ADAMTS18: variants seen among roughly 807,000 people sequenced by gnomAD.
The protein encoded by ADAMTS18 is A disintegrin and metalloproteinase with thrombospondin motifs 18.
ADAMTS18 carries 157 observed loss-of-function variants against 165.9 expected under a neutral mutation model. That is an observed-to-expected ratio of 0.95 (90% CI 0.83 to 1.08). The LOEUF is 1.08. Among genes scored for constraint, ADAMTS18 ranks in the 50% least tolerant of loss-of-function variants. The pLI is 0.00. For synonymous variants in ADAMTS18, 782 were observed against 578.2 expected, an observed-to-expected ratio of 1.35 and a Z score of -5.06; for missense variants, 2,040 against 1,534.0, an observed-to-expected ratio of 1.33 and a Z score of -5.51.
intron 3 of ADAMTS18, among the ~76,000 whole-genome samples, chr16:77,411,956 G>GCT (rs1478547061): frequency 6.6e-6 from 1 of 151,860 alleles, no homozygotes; most frequent in East Asian, 1.9e-4. Flanking sequence ...CAAAAGCACT[G>GCT]GGATTACAGG....
chr16:77,357,801 T>C (rs964208990), intron 8 of ADAMTS18, among the ~76,000 whole-genome samples: 2 of 152,198 alleles, frequency 1.3e-5, no homozygotes, highest in African/African-American at 4.8e-5. Flanking sequence ...ACTTCTTAAG[T>C]CCATGTTATT....
intron 11 of ADAMTS18, 145 bp from the exon 12 acceptor site, chr16:77,336,049 T>C: frequency 8.0e-6 from 8 of 1,003,472 alleles, no homozygotes; most frequent in Non-Finnish European, 1.2e-5. Flanking sequence ...TCCTCTGCTG[T>C]GCTCTAAAAA....
In ADAMTS18 at chr16:77,364,106, C is replaced by T. The variant is rs930795327; in HGVS notation, c.972+82G>A. ...ATTACATTTGCACCGACCTAATACACCTGCTATTCAACCCATGCAAGAGAA... is the reference window on the plus strand; with the variant it reads ...ATTACATTTGCACCGACCTAATACATCTGCTATTCAACCCATGCAAGAGAA... On this transcript the variant is annotated intron_variant, in intron 5 of 22. Coordinates refer to ENST00000282849, the MANE Select transcript of ADAMTS18 (RefSeq NM_199355.4). The T allele has an allele frequency of 1.4e-5, 21 of 1,553,686 alleles. 1 individual carries two copies. Among genetic ancestry groups the T allele is most frequent in the South Asian group, 1.2e-4 (11 of 89,602 alleles).
chr16:77,329,900 G>T (rs925976933), intron 12 of ADAMTS18, among the ~76,000 whole-genome samples: 1 of 152,112 alleles, frequency 6.6e-6, no homozygotes, highest in Non-Finnish European at 1.5e-5. Context: ...CAACTATAAA[G>T]AGCATACCAT....
In ADAMTS18 at chr16:77,367,566, G is replaced by C. The variant is rs141796905; in HGVS notation, c.653C>G (p.Pro218Arg). ...EEKIQRYRGY[P>R]GSGRNYPGYS... ...ACCAGGATAATTCCGGCCAGAGCCG[G>C]GGTAGCCACGGTACCGCTGGATCTT... is the stretch of plus-strand genomic sequence containing the variant. Residue 218 changes from proline (P) to arginine (R), a missense_variant, in exon 4 of 23, where the codon CCC becomes CGC. Transcript: ENST00000282849. The C allele has an allele frequency of 3.3e-4, 525 of 1,614,220 alleles. No individual in the cohort carries two copies. Among genetic ancestry groups the C allele is most frequent in the Admixed American group, 1.2e-3 (75 of 60,030 alleles).
chr16:77,427,112 A>T (rs983000012), intron 3 of ADAMTS18, among the ~76,000 whole-genome samples: 2 of 152,232 alleles, frequency 1.3e-5, no homozygotes, highest in Non-Finnish European at 2.9e-5. Context: ...ATTCGTATGC[A>T]TCAGAATCAT....
rs553701978 is a variant in ADAMTS18, at chr16:77,283,864, C to G, written c.*92G>C. 5.1e-6 allele frequency: 5 copies of G among 983,440 alleles called. No individual in the cohort carries two copies. Among genetic ancestry groups the G allele is most frequent in the Admixed American group, 1.8e-5 (1 of 55,928 alleles). The allele number at this position is 983,440 out of a possible 1,614,324, so 60.9% of individuals were successfully genotyped here. A position where few individuals can be genotyped will look rare whatever the true frequency, so the allele number is the denominator to read the frequency against. ...ACAGCGGCAGCTCACAGATGGTTCTCGGTGCTCAGCTCCTGGTCTCAAAGG... is the reference window on the plus strand; with the variant it reads ...ACAGCGGCAGCTCACAGATGGTTCTGGGTGCTCAGCTCCTGGTCTCAAAGG... On this transcript the variant is annotated 3_prime_UTR_variant, in exon 23 of 23. Coordinates refer to ENST00000282849, the MANE Select transcript of ADAMTS18 (RefSeq NM_199355.4).
intron 3 of ADAMTS18, among the ~76,000 whole-genome samples, chr16:77,413,062 T>A (rs908620929): frequency 3.9e-5 from 6 of 152,056 alleles, no homozygotes; most frequent in Non-Finnish European, 5.9e-5. Flanking sequence ...AAAAAACTTG[T>A]TGGTTCTGTT....
intron 3 of ADAMTS18, among the ~76,000 whole-genome samples, chr16:77,417,800 T>G (rs1314400317): frequency 6.6e-6 from 1 of 152,144 alleles, no homozygotes; most frequent in African/African-American, 2.4e-5. Context: ...ATACAATAGA[T>G]AGAAAAACCT....
intron 11 of ADAMTS18, among the ~76,000 whole-genome samples, chr16:77,337,520 T>C (rs1012752313): frequency 2.6e-5 from 4 of 152,174 alleles, no homozygotes; most frequent in Non-Finnish European, 4.4e-5. Flanking sequence ...ACAGATCTAT[T>C]CAAATAACTA....
At chr16:77,424,693 A>T (rs1452810027) in intron 3 of ADAMTS18, among the ~76,000 whole-genome samples, 4 of 152,122 alleles carry the variant, frequency 2.6e-5, no homozygotes, top group Admixed American at 2.0e-4. Flanking sequence ...AAGCCAGAAC[A>T]AAATAACAAA....
At position 77,282,435 on chromosome 16, in the gene ADAMTS18, G is replaced by C. The variant is rs2055163951; in HGVS notation, c.*1521C>G. 6.6e-6 allele frequency: 1 copy of C among 152,198 alleles called. No individual in the cohort carries two copies. The highest frequency in any genetic ancestry group is 2.4e-5 in the African/African-American group (1 of 41,428). The allele number at this position is 152,198 out of a possible 1,614,324, so 9.4% of individuals were successfully genotyped here. On this transcript the variant is annotated 3_prime_UTR_variant, in exon 23 of 23. Coordinates refer to ENST00000282849, the MANE Select transcript of ADAMTS18 (RefSeq NM_199355.4). ...CCACTTCTCTAGGCCAAGCCAAGCAGATTGAGAGAAGTTCCTAAGCATTAT... is the reference window on the plus strand; with the variant it reads ...CCACTTCTCTAGGCCAAGCCAAGCACATTGAGAGAAGTTCCTAAGCATTAT...
chr16:77,301,446 C>T (rs535488259), intron 16 of ADAMTS18, among the ~76,000 whole-genome samples: 2 of 152,214 alleles, frequency 1.3e-5, no homozygotes, highest in African/African-American at 4.8e-5. Flanking sequence ...CTCTTAACTA[C>T]TCCTCTTTCT....
intron 3 of ADAMTS18, among the ~76,000 whole-genome samples, chr16:77,406,116 T>G (rs1329286910): frequency 6.6e-6 from 1 of 152,058 alleles, no homozygotes; most frequent in Non-Finnish European, 1.5e-5. Context: ...AGATGTGAAA[T>G]CTTAAAAATT....
intron 3 of ADAMTS18, among the ~76,000 whole-genome samples, chr16:77,424,397 G>A (rs2057644734): frequency 6.6e-6 from 1 of 152,022 alleles, no homozygotes; most frequent in Non-Finnish European, 1.5e-5. Context: ...GAACCCGTGA[G>A]GCAGAGGTTG....
chr16:77,290,451 G>A (rs1031222105), intron 21 of ADAMTS18: 3 of 152,126 alleles, frequency 2.0e-5, no homozygotes, highest in Admixed American at 1.3e-4. Context: ...GAAATCCCCA[G>A]CAATATGTGT....
intron 3 of ADAMTS18, among the ~76,000 whole-genome samples, chr16:77,431,029 C>T (rs2057732507): frequency 6.6e-6 from 1 of 152,184 alleles, no homozygotes; most frequent in African/African-American, 2.4e-5. Context: ...AGTTAATTTC[C>T]TTGGGGATCA....
At chr16:77,366,732 G>T (rs1480298636) in intron 4 of ADAMTS18, among the ~76,000 whole-genome samples, 1 of 152,116 alleles carries the variant, frequency 6.6e-6, no homozygotes, top group Non-Finnish European at 1.5e-5. Context: ...GAATCGACTG[G>T]TTTAAGTGCT....
intron 20 of ADAMTS18, among the ~76,000 whole-genome samples, chr16:77,292,249 G>C (rs2055378060): frequency 6.6e-6 from 1 of 152,188 alleles, no homozygotes; most frequent in Non-Finnish European, 1.5e-5. Flanking sequence ...AGTGAGCTGA[G>C]ATTTTGCCAC....
Sources: gnomAD v4.1 joint callset for allele counts (sites outside exome capture counted in the v4.1 genomes callset) on GRCh38, gnomAD v4.1.1 for gene constraint, MANE v1.5 for transcripts, NCBI Gene and HGNC (gene_info 2026-07-23, HGNC 2026-07-21) for gene names.